The following YWHAQ variants were observed in gnomAD, a reference collection of about 807,000 sequenced individuals.
YWHAQ encodes the protein tyrosine 3-monooxygenase/tryptophan 5-monooxygenase activation protein theta.
A neutral mutation model predicts 28.3 loss-of-function variants in YWHAQ; 6 were observed. The observed-to-expected ratio is 0.21, with a 90% confidence interval of 0.12 to 0.42. The LOEUF is 0.42. Among genes scored for constraint, YWHAQ ranks in the 10% least tolerant of loss-of-function variants. The probability of loss-of-function intolerance (pLI) is 1.00; values close to 1 mark genes in which losing one functional copy is unlikely to be tolerated. For synonymous variants in YWHAQ, 143 were observed against 119.1 expected (o/e 1.20, Z -1.31); for missense variants, 201 against 305.6 (o/e 0.66, Z 2.55).
chr2:9,619,609 A>G (rs1184961158), intron 2 of YWHAQ, among the ~76,000 whole-genome samples: 1 of 152,148 alleles, frequency 6.6e-6, no homozygotes, highest in Admixed American at 6.6e-5. Context: ...AAAATATATT[A>G]AAAATTTAAT....
At chr2:9,627,074 A>G (rs1667260914) in intron 2 of YWHAQ, among the ~76,000 whole-genome samples, 1 of 152,190 alleles carries the variant, frequency 6.6e-6, no homozygotes, top group Non-Finnish European at 1.5e-5. Context: ...AGTTTGGTTC[A>G]CTTATAGTTC....
chr2:9,588,730 C>T (rs969614761), intron 3 of YWHAQ, among the ~76,000 whole-genome samples: 1 of 151,886 alleles, frequency 6.6e-6, no homozygotes, highest in Non-Finnish European at 1.5e-5. Context: ...GACATCACAC[C>T]ACTGCACTCC....
intron 2 of YWHAQ, among the ~76,000 whole-genome samples, chr2:9,614,499 A>G (rs1667007859): frequency 6.6e-6 from 1 of 152,224 alleles, no homozygotes; most frequent in African/African-American, 2.4e-5. Flanking sequence ...GGGGGGCAAA[A>G]GTCAAATCTT....
At chr2:9,587,336 A>G (rs1666364751) in intron 5 of YWHAQ, 78 bp downstream of exon 5, 2 of 1,327,456 alleles carry the variant, frequency 1.5e-6, no homozygotes, top group Non-Finnish European at 2.1e-6. Context: ...TCTTCCCTAA[A>G]AGACACGAAG....
At chr2:9,603,449 T>C (rs894336171) in intron 2 of YWHAQ, among the ~76,000 whole-genome samples, 2 of 151,320 alleles carry the variant, frequency 1.3e-5, no homozygotes, top group African/African-American at 4.9e-5. Flanking sequence ...TTTCTAATTT[T>C]TTTTTAGAAG....
At chr2:9,602,158 G>A (rs1666706164) in intron 2 of YWHAQ, among the ~76,000 whole-genome samples, 1 of 152,060 alleles carries the variant, frequency 6.6e-6, no homozygotes, top group South Asian at 2.1e-4. Flanking sequence ...CAGGTGTGGT[G>A]GCTCATGCCT....
chr2:9,593,353 C>T (rs568627196), intron 2 of YWHAQ, among the ~76,000 whole-genome samples: 51 of 150,640 alleles, frequency 3.4e-4, no homozygotes, highest in African/African-American at 9.6e-4. Context: ...GGACTACAGG[C>T]GCACACCACC....
At chr2:9,610,393 T>G (rs1666919709) in intron 2 of YWHAQ, among the ~76,000 whole-genome samples, 3 of 152,354 alleles carry the variant, frequency 2.0e-5, no homozygotes, top group Admixed American at 2.0e-4. Flanking sequence ...ACACAAACTC[T>G]GCTTGGTACA....
Position 9,630,411 on chromosome 2 carries a change from C to G in YWHAQ, c.42G>C (p.Glu14Asp). Reference sequence around the variant, plus strand: ...CCATGTCGTCGTAGCGCTCGGCCTGCTCGGCCAGCTTGGCCTTCTGGATCA... The same window carrying G: ...CCATGTCGTCGTAGCGCTCGGCCTGGTCGGCCAGCTTGGCCTTCTGGATCA... ...TELIQKAKLAEQAERYDDMAT... is the reference protein window; with the variant it reads ...TELIQKAKLADQAERYDDMAT... Residue 14 changes from glutamate (E) to aspartate (D), a missense_variant, in exon 2 of 6, where the codon GAG (glutamate) becomes GAC (aspartate). Glu to Asp is a conservative substitution (Grantham distance 45). Around this residue, in one of 2 missense-constraint regions of YWHAQ, gnomAD observed 162 missense variants for 213.9 expected, o/e 0.76. Transcript: ENST00000238081. The surrounding 1 kb of genome is among the most constrained non-coding windows in gnomAD (Gnocchi z 5.6). 2 of 1,613,172 alleles carry G rather than the reference C, an allele frequency of 1.2e-6. No individual in the cohort carries two copies. The highest frequency in any genetic ancestry group is 1.7e-6 in the Non-Finnish European group (2 of 1,179,980).
chr2:9,607,913 A>T (rs34331149), intron 2 of YWHAQ, among the ~76,000 whole-genome samples: 34,053 of 151,644 alleles, frequency 0.22, 3,970 homozygotes, highest in Middle Eastern at 0.28. Flanking sequence ...GGTTTTCGCC[A>T]TGTCAGCCAG....
rs1667367407 is a variant in YWHAQ, at chr2:9,630,981, G to A, written c.-123C>T. 1 of 152,742 alleles carries A rather than the reference G, an allele frequency of 6.5e-6. No homozygotes were observed. Among genetic ancestry groups the A allele is most frequent in the Non-Finnish European group, 1.5e-5 (1 of 68,148 alleles). 9.5% of individuals were successfully genotyped at this position (152,742 alleles called of 1,614,324 possible). ...GCCGCGACGCGAGTCCCACCACTTT[G>A]ATCTGCTTTTGGCTTTAGCTGAGGA... On this transcript the variant is annotated 5_prime_UTR_variant, in exon 1 of 6. Transcript: ENST00000238081. This position sits in a 1 kb window ranked among gnomAD's most constrained non-coding sequence, Gnocchi z 5.6.
In YWHAQ at chr2:9,585,215, C is replaced by G; in HGVS notation, c.*71G>C. 6.4e-7 allele frequency: 1 copy of G among 1,555,606 alleles called. No homozygotes were observed. Among genetic ancestry groups the G allele is most frequent in the Non-Finnish European group, 8.9e-7 (1 of 1,129,144 alleles). ...ATGGGTTTCTTTGCTATAGGAAATC[C>G]AAGTGGAATAAGGAATGGAGATGTG... On this transcript the variant is annotated 3_prime_UTR_variant, in exon 6 of 6. Transcript: ENST00000238081.
intron 2 of YWHAQ, among the ~76,000 whole-genome samples, chr2:9,599,876 C>G (rs1030874475): frequency 6.6e-6 from 1 of 152,036 alleles, no homozygotes; most frequent in Non-Finnish European, 1.5e-5. Context: ...TTCGTAAGGC[C>G]ATAGCTGTCA....
At chr2:9,591,160 A>G (rs1666447283) in intron 3 of YWHAQ, among the ~76,000 whole-genome samples, 1 of 152,254 alleles carries the variant, frequency 6.6e-6, no homozygotes, top group Admixed American at 6.5e-5. Context: ...AAATAATACC[A>G]TATGAGATTA....
rs1216744108 is a variant in YWHAQ, at chr2:9,584,654, A to C, written c.*632T>G. On this transcript the variant is annotated 3_prime_UTR_variant, in exon 6 of 6. Transcript: ENST00000238081. ...ATTTTTATTGGGAGGGGAGGTTGGC[A>C]ACTTAAACAGCAGCAAATAAAGAGT... The C allele has an allele frequency of 1.3e-5, 2 of 152,676 alleles. No individual in the cohort carries two copies. Among genetic ancestry groups the C allele is most frequent in the Non-Finnish European group, 1.5e-5 (1 of 68,062 alleles). The allele number at this position is 152,676 out of a possible 1,614,324, so 9.5% of individuals were successfully genotyped here. A position where few individuals can be genotyped will look rare whatever the true frequency, so the allele number is the denominator to read the frequency against.
intron 2 of YWHAQ, among the ~76,000 whole-genome samples, chr2:9,613,258 C>A (rs892141517): frequency 6.6e-6 from 1 of 152,090 alleles, no homozygotes; most frequent in African/African-American, 2.4e-5. Context: ...GACTAAAAAT[C>A]ACATCACATA....
At chr2:9,587,170 C>A (rs1666361112) in intron 5 of YWHAQ, among the ~76,000 whole-genome samples, 1 of 152,104 alleles carries the variant, frequency 6.6e-6, no homozygotes, top group Non-Finnish European at 1.5e-5. Context: ...CATCTTCATC[C>A]CAATGAAATA....
chr2:9,606,137 AATGTAC>A (rs1666823480), intron 2 of YWHAQ, among the ~76,000 whole-genome samples: 1 of 152,202 alleles, frequency 6.6e-6, no homozygotes, highest in Admixed American at 6.5e-5. Context: ...CTATGCACCA[AATGTAC>A]ACTTGATCCA....
intron 2 of YWHAQ, among the ~76,000 whole-genome samples, chr2:9,626,369 C>G (rs1480060810): frequency 6.6e-6 from 1 of 152,162 alleles, no homozygotes; most frequent in Non-Finnish European, 1.5e-5. Flanking sequence ...TTCCATTTGC[C>G]CTTCCCTCAC....
Sources: gnomAD v4.1 joint callset for allele counts (sites outside exome capture counted in the v4.1 genomes callset) on GRCh38, gnomAD v4.1.1 for gene constraint, gnomAD v4.1.1 regional missense constraint, Gnocchi (gnomAD v3.1) non-coding constraint, MANE v1.5 for transcripts, NCBI Gene and HGNC (gene_info 2026-07-23, HGNC 2026-07-21) for gene names.